ZDHHC14: variants seen among roughly 807,000 people sequenced by gnomAD.
ZDHHC14 encodes the protein palmitoyltransferase ZDHHC14.
Under a neutral mutation model 47.7 loss-of-function variants are expected in ZDHHC14, and 16 were observed. That is an observed-to-expected ratio of 0.34 (90% CI 0.23 to 0.51). ZDHHC14 has a LOEUF of 0.51. Among genes scored for constraint, ZDHHC14 ranks in the 20% least tolerant of loss-of-function variants. ZDHHC14 has a pLI of 0.97. For synonymous variants in ZDHHC14, 293 were observed against 278.9 expected, an observed-to-expected ratio of 1.05 and a Z score of -0.50; for missense variants, 515 against 662.5, an observed-to-expected ratio of 0.78 and a Z score of 2.44.
At chr6:157,461,599 A>G (rs770178481) in intron 1 of ZDHHC14, among the ~76,000 whole-genome samples, 14 of 152,196 alleles carry the variant, frequency 9.2e-5, no homozygotes, top group Admixed American at 5.9e-4. Context: ...CTGTAACAGC[A>G]GCTACACCTT....
intron 1 of ZDHHC14, among the ~76,000 whole-genome samples, chr6:157,529,518 C>T (rs1340307200): frequency 1.3e-5 from 2 of 152,132 alleles, no homozygotes; most frequent in African/African-American, 2.4e-5. Context: ...AATTGGGAAG[C>T]GGAGCCCAAG....
chr6:157,439,182 C>T (rs1778509809), intron 1 of ZDHHC14, among the ~76,000 whole-genome samples: 1 of 152,108 alleles, frequency 6.6e-6, no homozygotes, highest in African/African-American at 2.4e-5. Flanking sequence ...TCTTCATTTT[C>T]AAAACATCTT....
chr6:157,420,273 T>G (rs550751390), intron 1 of ZDHHC14, among the ~76,000 whole-genome samples: 8 of 129,384 alleles, frequency 6.2e-5, no homozygotes, highest in African/African-American at 2.4e-4. Flanking sequence ...GAAGGTATAG[T>G]CATTGAAGGG....
intron 1 of ZDHHC14, among the ~76,000 whole-genome samples, chr6:157,447,638 C>T (rs539519815): frequency 5.3e-5 from 8 of 152,056 alleles, no homozygotes; most frequent in Admixed American, 1.3e-4. Context: ...GAGGAAGACC[C>T]GGGGGTCCAG....
At chr6:157,657,732 A>G (rs1387536907) in intron 8 of ZDHHC14, among the ~76,000 whole-genome samples, 1 of 152,256 alleles carries the variant, frequency 6.6e-6, no homozygotes, top group Non-Finnish European at 1.5e-5. Context: ...TGTATAGTCA[A>G]GTCCCCTAAG....
chr6:157,421,048 C>T (rs1778090947), intron 1 of ZDHHC14, among the ~76,000 whole-genome samples: 1 of 152,070 alleles, frequency 6.6e-6, no homozygotes, highest in South Asian at 2.1e-4. Context: ...TTTAGTAAGG[C>T]ACTTCAGTTT....
intron 2 of ZDHHC14, among the ~76,000 whole-genome samples, chr6:157,576,936 A>G (rs77087269): frequency 0.054 from 8,201 of 152,224 alleles, 266 homozygotes; most frequent in Admixed American, 0.072. Context: ...ACCGCGTGTC[A>G]TGGAGGTTTA....
chr6:157,497,527 C>T (rs1008881036), intron 1 of ZDHHC14, among the ~76,000 whole-genome samples: 1 of 151,996 alleles, frequency 6.6e-6, no homozygotes, highest in Non-Finnish European at 1.5e-5. Flanking sequence ...CAGTGTGAAC[C>T]CCACAAGGAA....
At chr6:157,559,468 A>C (rs376123521) in intron 2 of ZDHHC14, among the ~76,000 whole-genome samples, 4 of 152,236 alleles carry the variant, frequency 2.6e-5, no homozygotes, top group African/African-American at 9.6e-5. Context: ...TTTAGAGCTG[A>C]GTTGGCCACC....
At chr6:157,551,005 G>A (rs947748934) in intron 2 of ZDHHC14, among the ~76,000 whole-genome samples, 2 of 152,328 alleles carry the variant, frequency 1.3e-5, no homozygotes, top group East Asian at 1.9e-4. Flanking sequence ...CACAGAGGTT[G>A]TGGTGTAGTG....
At chr6:157,668,176 A>G (rs1264288350) in intron 8 of ZDHHC14, among the ~76,000 whole-genome samples, 1 of 152,212 alleles carries the variant, frequency 6.6e-6, no homozygotes, top group Non-Finnish European at 1.5e-5. Flanking sequence ...CCAGCAGGAA[A>G]GCTGGGGAGG....
intron 1 of ZDHHC14, among the ~76,000 whole-genome samples, chr6:157,439,437 T>G (rs1778516517): frequency 6.6e-6 from 1 of 151,968 alleles, no homozygotes; most frequent in Non-Finnish European, 1.5e-5. Context: ...ATTAGAGAAA[T>G]GCAAATCAAA....
intron 1 of ZDHHC14, among the ~76,000 whole-genome samples, chr6:157,439,701 C>T (rs2114790421): frequency 6.6e-6 from 1 of 152,266 alleles, no homozygotes; most frequent in East Asian, 1.9e-4. Context: ...TACAAAGGTT[C>T]ATGCATACAT....
chr6:157,659,790 T>G (rs1251764346), intron 8 of ZDHHC14, among the ~76,000 whole-genome samples: 4 of 152,252 alleles, frequency 2.6e-5, no homozygotes, highest in Non-Finnish European at 4.4e-5. Context: ...TTTCCTGTTT[T>G]GGATATAGTT....
chr6:157,453,825 T>C (rs982674876), intron 1 of ZDHHC14, among the ~76,000 whole-genome samples: 11 of 151,790 alleles, frequency 7.2e-5, no homozygotes, highest in African/African-American at 2.7e-4. Context: ...TGTTTGACCA[T>C]GGATGACTCC....
At chr6:157,439,544 T>C (rs1652052500) in intron 1 of ZDHHC14, among the ~76,000 whole-genome samples, 1 of 152,108 alleles carries the variant, frequency 6.6e-6, no homozygotes. Context: ...AATAGGAACA[T>C]TTTTACACTG....
chr6:157,549,638 G>T (rs191841422), intron 2 of ZDHHC14, among the ~76,000 whole-genome samples: 2 of 152,158 alleles, frequency 1.3e-5, no homozygotes, highest in Non-Finnish European at 2.9e-5. Context: ...TCGAGATTCC[G>T]ATGTCCCTTT....
In ZDHHC14 at chr6:157,421,295, C is replaced by T. The variant is rs1358958134; in HGVS notation, c.245+39029C>T. Reference sequence around the variant, plus strand: ...CAGGTGGATCACGAGGTCAGGAGATCGAGACCACGGTGAAACCACGTCTCT... The same window carrying T: ...CAGGTGGATCACGAGGTCAGGAGATTGAGACCACGGTGAAACCACGTCTCT... On this transcript the variant is annotated intron_variant, in intron 1 of 8. Coordinates refer to ENST00000359775, the MANE Select transcript of ZDHHC14 (RefSeq NM_024630.3). 2.0e-5 allele frequency among the ~76,000 whole-genome samples: 3 copies of T among 151,282 alleles called. No homozygotes were observed. In the East Asian group the frequency reaches 5.9e-4, roughly 30 times the overall value.
chr6:157,394,221 T>G (rs1349645887), intron 1 of ZDHHC14, among the ~76,000 whole-genome samples: 1 of 152,200 alleles, frequency 6.6e-6, no homozygotes, highest in Non-Finnish European at 1.5e-5. Flanking sequence ...TAGACTGCAT[T>G]CTTCCTCTCT....
Sources: gnomAD v4.1 joint callset for allele counts (sites outside exome capture counted in the v4.1 genomes callset) on GRCh38, gnomAD v4.1.1 for gene constraint, MANE v1.5 for transcripts, NCBI Gene and HGNC (gene_info 2026-07-23, HGNC 2026-07-21) for gene names.